ABCA13: variants seen among roughly 807,000 people sequenced by gnomAD.
ABCA13 encodes the protein ATP binding cassette subfamily A member 13, also known as ATP-binding cassette sub-family A member 13.
ABCA13 carries 476 observed loss-of-function variants against 478.7 expected under a neutral mutation model. The observed-to-expected ratio is 0.99, with a 90% CI of 0.92 to 1.07. The LOEUF is 1.07. Ranked by LOEUF, ABCA13 falls within the 50% of genes least tolerant of loss-of-function variation. The pLI, the probability that ABCA13 is intolerant of heterozygous loss-of-function variation, is 0.00. For synonymous variants in ABCA13, 2,252 were observed against 2,158.9 expected, an observed-to-expected ratio of 1.04 and a Z score of -1.20; for missense variants, 6,060 against 5,910.6, an observed-to-expected ratio of 1.03 and a Z score of -0.83.
chr7:48,356,855 T>C (rs1329855007), intron 31 of ABCA13, among the ~76,000 whole-genome samples: 2 of 152,048 alleles, frequency 1.3e-5, no homozygotes, highest in Non-Finnish European at 2.9e-5. Flanking sequence ...CAAATGTTAA[T>C]GTGTTGCTTC....
intron 15 of ABCA13, among the ~76,000 whole-genome samples, chr7:48,253,497 A>G (rs1792892170): frequency 6.6e-6 from 1 of 152,194 alleles, no homozygotes; most frequent in African/African-American, 2.4e-5. Context: ...TTGCATTATT[A>G]GGGATTTACC....
chr7:48,470,457 A>T (rs954813249), intron 44 of ABCA13, among the ~76,000 whole-genome samples: 1 of 152,114 alleles, frequency 6.6e-6, no homozygotes, highest in Non-Finnish European at 1.5e-5. Context: ...TATAAATGGA[A>T]TTTTTTTTAA....
chr7:48,275,013 A>G lies in ABCA13; in HGVS notation c.5347A>G (p.Ile1783Val). The G allele has an allele frequency of 6.2e-7, 1 of 1,613,952 alleles. No individual in the cohort carries two copies. The highest frequency in any genetic ancestry group is 8.5e-7 in the Non-Finnish European group (1 of 1,179,866). Reference sequence around the variant, plus strand: ...CTTCACACTCCTTCATGGCATAACCATTTCAAATATCACCAAGGAAGACTT... The same window carrying G: ...CTTCACACTCCTTCATGGCATAACCGTTTCAAATATCACCAAGGAAGACTT... ...YSFTLLHGITISNITKEDFAI... is the reference protein window; with the variant it reads ...YSFTLLHGITVSNITKEDFAI... Residue 1783 changes from isoleucine to valine, a missense_variant, in exon 17 of 62, where the codon ATT (isoleucine) becomes GTT (valine). Physicochemically the swap from Ile to Val is conservative, Grantham distance 29. Around this residue, in one of 3 missense-constraint regions of ABCA13, gnomAD observed 4,423 missense variants for 4,309.1 expected, o/e 1.03. Transcript: ENST00000435803.
chr7:48,420,039 A>G (rs1179441026), intron 41 of ABCA13, among the ~76,000 whole-genome samples: 2 of 152,164 alleles, frequency 1.3e-5, no homozygotes, highest in Admixed American at 1.3e-4. Flanking sequence ...CTTGGCGAGC[A>G]TTGACTTTCC....
intron 31 of ABCA13, among the ~76,000 whole-genome samples, chr7:48,360,850 G>A (rs1810710305): frequency 6.6e-6 from 1 of 151,832 alleles, no homozygotes; most frequent in South Asian, 2.1e-4. Flanking sequence ...CCTGCCTTGA[G>A]GAAGCTTGGA....
intron 55 of ABCA13, among the ~76,000 whole-genome samples, chr7:48,543,045 T>C (rs2131140455): frequency 6.6e-6 from 1 of 151,914 alleles, no homozygotes; most frequent in South Asian, 2.1e-4. Flanking sequence ...GAAAAGAAGT[T>C]GCAAAATTTT....
chr7:48,241,156 G>A, intron 10 of ABCA13, 90 bp downstream of exon 10: 2 of 1,409,312 alleles, frequency 1.4e-6, no homozygotes, highest in Non-Finnish European at 2.0e-6. Flanking sequence ...AACACATTCT[G>A]TAAAACTACA....
chr7:48,629,347 G>A (rs1035817488), intron 59 of ABCA13, among the ~76,000 whole-genome samples: 6 of 152,050 alleles, frequency 3.9e-5, no homozygotes, highest in Non-Finnish European at 8.8e-5. Context: ...GCCTAACCAA[G>A]GAAATGGATT....
chr7:48,459,079 C>T (rs1374891803), intron 43 of ABCA13, among the ~76,000 whole-genome samples: 1 of 152,162 alleles, frequency 6.6e-6, no homozygotes, highest in Non-Finnish European at 1.5e-5. Context: ...TCTCCCTCCC[C>T]ACTAAGAAGT....
intron 56 of ABCA13, among the ~76,000 whole-genome samples, chr7:48,586,475 G>A (rs1159864960): frequency 2.0e-5 from 3 of 152,104 alleles, no homozygotes; most frequent in African/African-American, 7.2e-5. Flanking sequence ...AATTAACACA[G>A]GAACACAAAA....
chr7:48,202,184 C>T lies in ABCA13; in HGVS notation c.287+3824C>T, dbSNP rs879331039. On this transcript the variant is annotated intron_variant, in intron 3 of 61. Transcript: ENST00000435803. ...GTGGAAGGGGACCCTAGTGGCTTGC[C>T]GCTGCTGGCTAGGGCAGCCTGCTTT... 1.7e-3 allele frequency among the ~76,000 whole-genome samples: 258 copies of T among 151,630 alleles called. 1 individual carries two copies. Among genetic ancestry groups the T allele is most frequent in the Non-Finnish European group, 3.3e-3 (221 of 67,454 alleles).
intron 47 of ABCA13, 45 bp from the exon 48 acceptor site, chr7:48,489,191 C>T (rs373674424): frequency 9.0e-5 from 132 of 1,459,812 alleles, no homozygotes; most frequent in Middle Eastern, 1.7e-4. Flanking sequence ...AACAGACTTA[C>T]GAGCTAATTT....
intron 58 of ABCA13, among the ~76,000 whole-genome samples, chr7:48,597,296 G>A (rs1790401291): frequency 6.6e-6 from 1 of 152,168 alleles, no homozygotes; most frequent in Non-Finnish European, 1.5e-5. Flanking sequence ...ATGTCAATAG[G>A]TTGCTCCTTT....
chr7:48,479,197 G>A (rs186926602), intron 45 of ABCA13, among the ~76,000 whole-genome samples: 23 of 151,402 alleles, frequency 1.5e-4, no homozygotes, highest in African/African-American at 3.6e-4. Flanking sequence ...TGATCTGCCC[G>A]CCTCAGCCTC....
intron 35 of ABCA13, among the ~76,000 whole-genome samples, chr7:48,376,957 T>A (rs1813579224): frequency 6.6e-6 from 1 of 151,990 alleles, no homozygotes; most frequent in Admixed American, 6.6e-5. Context: ...TCACTCCTAG[T>A]GGGGATCTAG....
chr7:48,346,509 TA>T lies in ABCA13; in HGVS notation c.10205-4124del, dbSNP rs146535574. Among the ~76,000 whole-genome samples the T allele has an allele frequency of 4.2e-3, 605 of 145,392 alleles. 5 individuals are homozygous for T. The highest frequency in any genetic ancestry group is 0.01 in the African/African-American group (406 of 39,860). On this transcript the variant is annotated intron_variant, in intron 29 of 61. Transcript: ENST00000435803. ...AATTTAACAATCTCCACTTCTCCAT[TA>T]AAAAAAAAAGCCCCCCACAATGCAC...
chr7:48,507,701 A>AT (rs1198599486), intron 49 of ABCA13, among the ~76,000 whole-genome samples, 171 bp from the exon 50 acceptor site: 1 of 152,240 alleles, frequency 6.6e-6, no homozygotes, highest in African/African-American at 2.4e-5. Flanking sequence ...ATGTCTCAAA[A>AT]GGTGGCTGAG....
intron 23 of ABCA13, among the ~76,000 whole-genome samples, chr7:48,305,664 C>T (rs539320190): frequency 2.4e-4 from 37 of 152,322 alleles, no homozygotes; most frequent in African/African-American, 8.9e-4. Flanking sequence ...CTGGTGCTCT[C>T]CTCTGAATGC....
chr7:48,532,861 A>AT (rs1833331705), intron 55 of ABCA13, among the ~76,000 whole-genome samples: 1 of 151,488 alleles, frequency 6.6e-6, no homozygotes, highest in Non-Finnish European at 1.5e-5. Context: ...CTCTTTTTTC[A>AT]TTTGTAATTG....
Sources: allele counts gnomAD v4.1 joint callset (sites outside exome capture counted in the v4.1 genomes callset), GRCh38; gene constraint gnomAD v4.1.1; regional missense constraint gnomAD v4.1.1; transcripts MANE v1.5; gene names NCBI Gene and HGNC (gene_info 2026-07-23, HGNC 2026-07-21).